DLGAP2: variants seen among roughly 807,000 people sequenced by gnomAD.
DLGAP2 encodes DLG associated protein 2.
Under a neutral mutation model 100.3 loss-of-function variants are expected in DLGAP2, and 26 were observed. The observed-to-expected ratio is 0.26, with a 90% CI of 0.19 to 0.36. The LOEUF is 0.36. Among genes scored for constraint, DLGAP2 ranks in the 10% least tolerant of loss-of-function variants. The probability of loss-of-function intolerance (pLI) is 1.00; values close to 1 mark genes in which losing one functional copy is unlikely to be tolerated. For missense variants in DLGAP2, 1,858 were observed against 1,453.2 expected (o/e 1.28, Z -4.53); for synonymous variants, 886 against 630.1 (o/e 1.41, Z -6.08).
intron 1 of DLGAP2, among the ~76,000 whole-genome samples, chr8:804,833 A>G (rs1294359446): frequency 1.3e-5 from 2 of 152,126 alleles, no homozygotes; most frequent in South Asian, 2.1e-4. Flanking sequence ...TGGTGCAATC[A>G]TGGCTCACTG....
At chr8:985,266 A>G (rs1800453394) in intron 2 of DLGAP2, among the ~76,000 whole-genome samples, 1 of 152,220 alleles carries the variant, frequency 6.6e-6, no homozygotes. Flanking sequence ...CTGTCCGTAG[A>G]TGTGTGTCCT....
At chr8:1,592,613 T>A (rs1796325455) in intron 6 of DLGAP2, among the ~76,000 whole-genome samples, 2 of 152,186 alleles carry the variant, frequency 1.3e-5, no homozygotes, top group African/African-American at 4.8e-5. Context: ...ATTGCATTAC[T>A]GGACAACTTC....
chr8:988,544 C>T (rs939648040), intron 2 of DLGAP2, among the ~76,000 whole-genome samples: 20 of 152,210 alleles, frequency 1.3e-4, no homozygotes, highest in African/African-American at 4.1e-4. Context: ...GGCTCGGCCT[C>T]TGTTCAGCCT....
At position 957,960 on chromosome 8, in the gene DLGAP2, C is replaced by T. The variant is rs548232049; in HGVS notation, c.73+49994C>T. ...AGTGACATACAATACGTTCCTGGTG[C>T]TGTGTGACCCTCACCACTGTCCACC... On this transcript the variant is annotated intron_variant, in intron 2 of 14. Coordinates refer to ENST00000637795, the MANE Select transcript of DLGAP2 (RefSeq NM_001346810.2). Among the ~76,000 whole-genome samples the T allele has an allele frequency of 1.8e-4, 28 of 152,276 alleles. 1 individual carries two copies. In the East Asian group the frequency reaches 5.4e-3, roughly 29 times the overall value.
chr8:1,295,431 G>A (rs1322264050), intron 3 of DLGAP2, among the ~76,000 whole-genome samples: 6 of 152,236 alleles, frequency 3.9e-5, no homozygotes, highest in Admixed American at 3.3e-4. Context: ...CCGGCCGCCA[G>A]GAGGGGAGGG....
At chr8:1,618,966 G>T (rs1169086595) in intron 6 of DLGAP2, among the ~76,000 whole-genome samples, 1 of 152,050 alleles carries the variant, frequency 6.6e-6, no homozygotes, top group Non-Finnish European at 1.5e-5. Context: ...CCCAGATTAA[G>T]AACTACTCAA....
chr8:1,481,094 C>G (rs1799079444), intron 3 of DLGAP2, among the ~76,000 whole-genome samples: 1 of 151,988 alleles, frequency 6.6e-6, no homozygotes, highest in African/African-American at 2.4e-5. Flanking sequence ...ATGGCGTGAA[C>G]CTGGGAGGCG....
chr8:1,483,440 A>T lies in DLGAP2; in HGVS notation c.107-17926A>T, dbSNP rs572993702. On this transcript the variant is annotated intron_variant, in intron 3 of 14. Coordinates refer to ENST00000637795, the MANE Select transcript of DLGAP2 (RefSeq NM_001346810.2). ...GGACCCAGAAGCTGAACTGCTGTGT[A>T]AGAGGCTCAGGGAGCAGGACCTGAG... Among the ~76,000 whole-genome samples, 5 of 148,862 alleles carry T rather than the reference A, an allele frequency of 3.4e-5. No individual in the cohort carries two copies. In the South Asian group the frequency reaches 1.1e-3, roughly 33 times the overall value.
chr8:1,478,691 T>C (rs1468416), intron 3 of DLGAP2, among the ~76,000 whole-genome samples: 101,679 of 151,660 alleles, frequency 0.67, 34,510 homozygotes, highest in African/African-American at 0.75. Context: ...GTCAAACCAA[T>C]GGAATAGACC....
chr8:1,191,402 C>T (rs527438741), intron 2 of DLGAP2, among the ~76,000 whole-genome samples: 2 of 152,224 alleles, frequency 1.3e-5, no homozygotes, highest in Non-Finnish European at 2.9e-5. Context: ...GATCTCCTGA[C>T]CTTGTGATCT....
At chr8:1,172,216 C>G (rs1210359403) in intron 2 of DLGAP2, among the ~76,000 whole-genome samples, 2 of 152,182 alleles carry the variant, frequency 1.3e-5, no homozygotes, top group Non-Finnish European at 2.9e-5. Flanking sequence ...TTGGCCCCCA[C>G]TCTCTTCTGG....
At chr8:821,225 A>G (rs1796577463) in intron 1 of DLGAP2, among the ~76,000 whole-genome samples, 1 of 152,228 alleles carries the variant, frequency 6.6e-6, no homozygotes, top group Admixed American at 6.5e-5. Context: ...TCTGGTGACA[A>G]CAAAGTTTCA....
At position 1,701,370 on chromosome 8, in the gene DLGAP2, C is replaced by T. The variant is rs764737686; in HGVS notation, c.3132C>T (p.Ile1044=). 5.6e-6 allele frequency: 9 copies of T among 1,598,422 alleles called. No homozygotes were observed. Among genetic ancestry groups the T allele is most frequent in the African/African-American group, 2.7e-5 (2 of 74,596 alleles). The change falls in exon 15 of 15, where the codon ATC becomes ATT. Residue 1044 remains isoleucine (I), a synonymous_variant. Coordinates refer to ENST00000637795, the MANE Select transcript of DLGAP2 (RefSeq NM_001346810.2). The part of the protein sequence containing the change: ...QNSASERADS[I]EIYIPEAQTR... ...CCGCCTCCGAGCGCGCGGACAGCAT[C>T]GAGATCTACATCCCCGAGGCCCAGA...
rs1180468020 is a variant in DLGAP2 at position 1,282,897 on chromosome 8, G to T, written c.106+24014G>T. 2.2e-5 allele frequency among the ~76,000 whole-genome samples: 3 copies of T among 136,662 alleles called. No individual in the cohort carries two copies. The Admixed American group carries it at 2.3e-4, about 11-fold the overall frequency. 89.7% of individuals were successfully genotyped at this position (136,662 alleles called of 152,430 possible). Reference sequence around the variant, plus strand: ...CAGCGCCCTGAACCATCCGGACGTGGTGTGACCTGAACCCAGCACGTGAAC... The same window carrying T: ...CAGCGCCCTGAACCATCCGGACGTGTTGTGACCTGAACCCAGCACGTGAAC... On this transcript the variant is annotated intron_variant, in intron 3 of 14. Transcript: ENST00000637795.
chr8:1,467,209 A>G (rs1338410592), intron 3 of DLGAP2, among the ~76,000 whole-genome samples: 1 of 141,888 alleles, frequency 7.0e-6, no homozygotes, highest in African/African-American at 3.1e-5. Context: ...ATCGTCATGC[A>G]TGGCTTCTCT....
intron 5 of DLGAP2, among the ~76,000 whole-genome samples, chr8:1,560,575 A>G (rs1398355315): frequency 2.0e-5 from 3 of 152,058 alleles, no homozygotes; most frequent in Admixed American, 6.6e-5. Context: ...AAAGTTGCCC[A>G]CTCTAAGGAC....
intron 3 of DLGAP2, among the ~76,000 whole-genome samples, chr8:1,370,266 G>A (rs939186839): frequency 1.3e-5 from 2 of 152,114 alleles, no homozygotes; most frequent in East Asian, 3.9e-4. Flanking sequence ...GCCTGGCTCT[G>A]ACAAGTTCTC....
At chr8:1,421,823 G>A (rs1013507086) in intron 3 of DLGAP2, among the ~76,000 whole-genome samples, 1 of 152,048 alleles carries the variant, frequency 6.6e-6, no homozygotes, top group Non-Finnish European at 1.5e-5. Context: ...AATTAGCCAG[G>A]TATGGTGGCA....
At chr8:1,547,366 G>T (rs150533993) in intron 4 of DLGAP2, among the ~76,000 whole-genome samples, 1 of 152,160 alleles carries the variant, frequency 6.6e-6, no homozygotes, top group South Asian at 2.1e-4. Flanking sequence ...TGGATGGGCT[G>T]GGGTGCATTT....
Sources: gnomAD v4.1 joint callset for allele counts (sites outside exome capture counted in the v4.1 genomes callset) on GRCh38, gnomAD v4.1.1 for gene constraint, MANE v1.5 for transcripts, NCBI Gene and HGNC (gene_info 2026-07-23, HGNC 2026-07-21) for gene names.